Variants in HSF2BP observed in about 807,000 individuals in gnomAD.
HSF2BP encodes heat shock factor 2-binding protein.
A neutral mutation model predicts 35.0 loss-of-function variants in HSF2BP; 35 were observed. That is an observed-to-expected ratio of 1.00 (90% CI 0.76 to 1.32). The LOEUF (loss-of-function observed/expected upper bound fraction) is 1.32. Ranked by LOEUF, HSF2BP falls within the 40% of genes most tolerant of loss-of-function variation. The pLI is 0.00. For missense variants in HSF2BP, 326 were observed against 321.7 expected, an observed-to-expected ratio of 1.01 and a Z score of -0.10; for synonymous variants, 114 against 117.4, an observed-to-expected ratio of 0.97 and a Z score of 0.18.
At chr21:43,588,940 C>T (rs1437391821) in intron 8 of HSF2BP, among the ~76,000 whole-genome samples, 3 of 152,174 alleles carry the variant, frequency 2.0e-5, no homozygotes, top group Non-Finnish European at 4.4e-5. Flanking sequence ...GGGTCTAGGG[C>T]TTTACCCTAC....
intron 8 of HSF2BP, among the ~76,000 whole-genome samples, chr21:43,587,341 G>A (rs1156854999): frequency 3.3e-5 from 5 of 152,164 alleles, no homozygotes; most frequent in Non-Finnish European, 7.3e-5. Flanking sequence ...TCACTGTGTT[G>A]AAAGAACCAG....
chr21:43,625,902 T>C (rs545589769), intron 6 of HSF2BP, among the ~76,000 whole-genome samples: 2 of 152,314 alleles, frequency 1.3e-5, no homozygotes, highest in East Asian at 3.9e-4. Context: ...CTCACCAGCA[T>C]GTCAGCCAGC....
chr21:43,628,073 G>A (rs2082411068), intron 6 of HSF2BP, among the ~76,000 whole-genome samples: 1 of 152,014 alleles, frequency 6.6e-6, no homozygotes, highest in African/African-American at 2.4e-5. Context: ...CCTCTCCTAG[G>A]AACTTGCTAT....
At chr21:43,647,504 T>C (rs2082724257) in intron 3 of HSF2BP, among the ~76,000 whole-genome samples, 1 of 152,224 alleles carries the variant, frequency 6.6e-6, no homozygotes, top group Admixed American at 6.5e-5. Context: ...GTGCTGGGAT[T>C]ACAGGCGTGA....
At chr21:43,623,628 T>G (rs2082356191) in intron 6 of HSF2BP, among the ~76,000 whole-genome samples, 1 of 152,140 alleles carries the variant, frequency 6.6e-6, no homozygotes, top group Admixed American at 6.6e-5. Context: ...GGGTCTCATC[T>G]TAAAAGTACA....
intron 8 of HSF2BP, among the ~76,000 whole-genome samples, chr21:43,576,442 A>C (rs2081645100): frequency 6.6e-6 from 1 of 152,224 alleles, no homozygotes; most frequent in Non-Finnish European, 1.5e-5. Context: ...AAATCCCATA[A>C]GGAAAGGCTC....
At chr21:43,655,827 C>G (rs745976454) in intron 3 of HSF2BP, among the ~76,000 whole-genome samples, 15 of 152,184 alleles carry the variant, frequency 9.9e-5, no homozygotes, top group African/African-American at 1.4e-4. Context: ...GTGGCTGGCC[C>G]ACTGACCAGA....
chr21:43,652,995 C>G (rs983315090), intron 3 of HSF2BP, among the ~76,000 whole-genome samples: 2 of 151,866 alleles, frequency 1.3e-5, no homozygotes, highest in African/African-American at 4.8e-5. Context: ...AATTAGCTGG[C>G]GTGGTGGCAC....
At chr21:43,609,814 A>C (rs2082181288) in intron 7 of HSF2BP, 1 of 152,314 alleles carries the variant, frequency 6.6e-6, no homozygotes, top group Non-Finnish European at 1.5e-5. Flanking sequence ...ATCCCGAGTC[A>C]GGATAGAGGG....
At chr21:43,629,497 G>A (rs2082428503) in intron 6 of HSF2BP, among the ~76,000 whole-genome samples, 1 of 152,210 alleles carries the variant, frequency 6.6e-6, no homozygotes, top group African/African-American at 2.4e-5. Flanking sequence ...TACAGGATGT[G>A]GAGGCTGCAG....
At chr21:43,626,111 T>C (rs1291207159) in intron 6 of HSF2BP, among the ~76,000 whole-genome samples, 1 of 152,206 alleles carries the variant, frequency 6.6e-6, no homozygotes, top group African/African-American at 2.4e-5. Context: ...GATGAACGTA[T>C]AGAATGCTGC....
intron 8 of HSF2BP, among the ~76,000 whole-genome samples, chr21:43,580,017 C>T (rs2081703232): frequency 6.6e-6 from 1 of 152,194 alleles, no homozygotes; most frequent in Admixed American, 6.5e-5. Context: ...GATGCCTCGA[C>T]CTGTCTCCTA....
intron 3 of HSF2BP, among the ~76,000 whole-genome samples, chr21:43,655,470 G>T (rs1392308972): frequency 6.6e-6 from 1 of 152,188 alleles, no homozygotes; most frequent in Non-Finnish European, 1.5e-5. Flanking sequence ...CCAGGGACTA[G>T]CAACAGCCCT....
chr21:43,611,381 G>A (rs1231171705), intron 7 of HSF2BP, among the ~76,000 whole-genome samples: 1 of 152,212 alleles, frequency 6.6e-6, no homozygotes, highest in Non-Finnish European at 1.5e-5. Flanking sequence ...ACACCCTCCA[G>A]TCTCGCTTCC....
In HSF2BP at chr21:43,611,425, A is replaced by C. The variant is rs538330963; in HGVS notation, c.692+2405T>G. On this transcript the variant is annotated intron_variant, in intron 7 of 8. Transcript: ENST00000291560. ...CAGCTATAAATTCCAAAGAGAATACATGAAGCAGCTATTTGAGGACTCTGA... is the reference window on the plus strand; with the variant it reads ...CAGCTATAAATTCCAAAGAGAATACCTGAAGCAGCTATTTGAGGACTCTGA... 1.4e-4 allele frequency among the ~76,000 whole-genome samples: 21 copies of C among 152,348 alleles called. 1 individual carries two copies. The South Asian group carries it at 4.1e-3, about 30-fold the overall frequency.
At chr21:43,589,236 T>G (rs2146769344) in intron 8 of HSF2BP, among the ~76,000 whole-genome samples, 1 of 152,250 alleles carries the variant, frequency 6.6e-6, no homozygotes, top group South Asian at 2.1e-4. Flanking sequence ...GGAGACAGTA[T>G]CTCTGTCCTC....
At chr21:43,657,158 G>A (rs1236786832) in intron 2 of HSF2BP, among the ~76,000 whole-genome samples, 1 of 152,202 alleles carries the variant, frequency 6.6e-6, no homozygotes, top group Non-Finnish European at 1.5e-5. Context: ...ATCACCTGAG[G>A]TCAGGAGTTC....
intron 8 of HSF2BP, among the ~76,000 whole-genome samples, chr21:43,581,607 C>T (rs1324255993): frequency 6.6e-6 from 1 of 152,220 alleles, no homozygotes; most frequent in South Asian, 2.1e-4. Context: ...GGAACACGGC[C>T]ACAGGCAGCT....
chr21:43,656,438 C>T (rs956906681), intron 3 of HSF2BP, 149 bp downstream of exon 3: 6 of 760,036 alleles, frequency 7.9e-6, no homozygotes, highest in African/African-American at 5.2e-5. Context: ...ACTGAGGAAA[C>T]CTCCCTTTCT....
Sources: gnomAD v4.1 joint callset for allele counts (sites outside exome capture counted in the v4.1 genomes callset) on GRCh38, gnomAD v4.1.1 for gene constraint, MANE v1.5 for transcripts, NCBI Gene and HGNC (gene_info 2026-07-23, HGNC 2026-07-21) for gene names.